NASP: variants seen among roughly 807,000 people sequenced by gnomAD.
The protein encoded by NASP is NASP histone chaperone.
In NASP, 24 loss-of-function variants were observed where a neutral mutation model predicts 89.5. The ratio of observed to expected loss-of-function variants is 0.27; its 90% confidence interval spans 0.19 to 0.38. The LOEUF (loss-of-function observed/expected upper bound fraction) is 0.38. Among genes scored for constraint, NASP ranks in the 10% least tolerant of loss-of-function variants. NASP has a pLI of 1.00. For missense variants in NASP, 848 were observed against 921.4 expected, an observed-to-expected ratio of 0.92 and a Z score of 1.03; for synonymous variants, 306 against 324.7, an observed-to-expected ratio of 0.94 and a Z score of 0.62.
chr1:45,614,050 T>C, intron 7 of NASP, 46 bp from the exon 8 acceptor site: 1 of 1,389,684 alleles, frequency 7.2e-7, no homozygotes, highest in Non-Finnish European at 1.0e-6. Context: ...TTTAGATTTG[T>C]ATTTGAAAAA....
chr1:45,602,185 A>G, intron 2 of NASP, 70 bp from the exon 3 acceptor site: 2 of 1,530,136 alleles, frequency 1.3e-6, no homozygotes, highest in Non-Finnish European at 1.8e-6. Context: ...CTATTGCTCA[A>G]ATGTAGCAGG....
At chr1:45,600,428 T>G (rs1249763238) in intron 2 of NASP, 1 of 1,287,378 alleles carries the variant, frequency 7.8e-7, no homozygotes, top group Non-Finnish European at 1.0e-6. Context: ...GGTTGCATTT[T>G]GTAGAATATT....
intron 1 of NASP, among the ~76,000 whole-genome samples, chr1:45,585,466 C>T (rs1423163337): frequency 6.6e-6 from 1 of 152,096 alleles, no homozygotes; most frequent in Admixed American, 6.5e-5. Context: ...TCTCAAGTCA[C>T]CCTGAGAATC....
At chr1:45,617,703 G>A (rs1644131424) in intron 14 of NASP, 112 bp downstream of exon 14, 21 of 1,271,524 alleles carry the variant, frequency 1.7e-5, no homozygotes, top group Non-Finnish European at 2.1e-5. Context: ...AACGATTGTT[G>A]AGTGCAGTCC....
intron 2 of NASP, among the ~76,000 whole-genome samples, chr1:45,597,083 C>T (rs1244199465): frequency 2.6e-5 from 4 of 152,194 alleles, no homozygotes; most frequent in East Asian, 3.9e-4. Context: ...GCCAAGGCAG[C>T]GGATCACTTG....
chr1:45,586,239 CGT>C (rs537983711), intron 1 of NASP, among the ~76,000 whole-genome samples: 1,242 of 110,242 alleles, frequency 0.011, 18 homozygotes, highest in Admixed American at 0.03. Flanking sequence ...CCTACCGTGC[CGT>C]GTGTGTGTGT....
At chr1:45,588,667 C>A (rs973315272) in intron 1 of NASP, 1 of 448,104 alleles carries the variant, frequency 2.2e-6, no homozygotes, top group South Asian at 1.6e-5. Context: ...CGGCCGGGCG[C>A]GGTGGCTCAC....
At chr1:45,587,192 T>G (rs184120448) in intron 1 of NASP, among the ~76,000 whole-genome samples, 219 of 152,228 alleles carry the variant, frequency 1.4e-3, no homozygotes, top group Middle Eastern at 6.8e-3. Context: ...TTGGTTTTTT[T>G]TTGTTGTTTT....
At position 45,617,608 on chromosome 1, in the gene NASP, G is replaced by A. The variant is rs1326960073; in HGVS notation, c.2286+17G>A. ...GAGGAGGAGGTGGGCAGTTAAGCAG[G>A]GCTTAGCCTCTTGCCTCATTCCTTG... On this transcript the variant is annotated intron_variant, in intron 14 of 14. Transcript: ENST00000350030. 1 of 1,560,846 alleles carries A rather than the reference G, an allele frequency of 6.4e-7. No individual in the cohort carries two copies. The highest frequency in any genetic ancestry group is 2.0e-5 in the Admixed American group (1 of 49,436).
At chr1:45,608,421 T>C (rs1402256341) in intron 6 of NASP, 84 bp downstream of exon 6, 2 of 1,409,136 alleles carry the variant, frequency 1.4e-6, no homozygotes, top group African/African-American at 2.9e-5. Context: ...CAGCCTTCCA[T>C]TCAGGATTTT....
At chr1:45,609,060 C>T (rs149422057) in intron 6 of NASP, among the ~76,000 whole-genome samples, 1 of 152,212 alleles carries the variant, frequency 6.6e-6, no homozygotes, top group African/African-American at 2.4e-5. Context: ...ATTTTTGTTA[C>T]TTAGAATATT....
chr1:45,584,077 T>G lies in NASP; in HGVS notation c.-70T>G. On this transcript the variant is annotated 5_prime_UTR_variant, in exon 1 of 15. Coordinates refer to ENST00000350030, the MANE Select transcript of NASP (RefSeq NM_002482.4). ...CATTTTCTGTCCCTGAGTGAGTCTC[T>G]GGCGTCCCAAATTGCCTGTTTTTCT... 1 of 1,435,758 alleles carries G rather than the reference T, an allele frequency of 7.0e-7. No homozygotes were observed. 88.9% of individuals were successfully genotyped at this position (1,435,758 alleles called of 1,614,324 possible).
chr1:45,591,070 T>A (rs963812533), intron 1 of NASP, among the ~76,000 whole-genome samples, 153 bp from the exon 2 acceptor site: 1 of 152,252 alleles, frequency 6.6e-6, no homozygotes, highest in Admixed American at 6.5e-5. Flanking sequence ...ATTAAATGAA[T>A]TAAATTTGAT....
intron 12 of NASP, 94 bp from the exon 13 acceptor site, chr1:45,616,532 G>A (rs1473016577): frequency 4.6e-6 from 7 of 1,505,582 alleles, no homozygotes; most frequent in Non-Finnish European, 6.4e-6. Flanking sequence ...GCAACATAGT[G>A]AGACCTTGTC....
intron 2 of NASP, among the ~76,000 whole-genome samples, chr1:45,598,254 T>G (rs1349627466): frequency 6.7e-6 from 1 of 150,196 alleles, no homozygotes; most frequent in Non-Finnish European, 1.5e-5. Context: ...CACTGCAGCC[T>G]CCTTCTCCCA....
At chr1:45,617,998 G>A in intron 14 of NASP, 63 bp from the exon 15 acceptor site, 1 of 1,457,422 alleles carries the variant, frequency 6.9e-7, no homozygotes, top group Admixed American at 2.0e-5. Context: ...TGAGGCCTCA[G>A]TTATATAAGA....
rs1293461926 is a variant in NASP, at chr1:45,617,481, A to G, written c.2176A>G (p.Ser726Gly). The change falls in exon 14 of 15, where the codon AGT (serine) becomes GGT (glycine). Residue 726 changes from serine to glycine, a missense_variant. By Grantham distance (56) the Ser-to-Gly change is moderately conservative. This residue lies in a region of NASP where 218 missense variants were observed against 219.6 expected (regional missense o/e 0.99). Coordinates refer to ENST00000350030, the MANE Select transcript of NASP (RefSeq NM_002482.4). The part of the protein sequence containing the change: ...VRKKRKPEEE[S>G]PRKDDAKKAK... The stretch of plus-strand genomic sequence containing the variant: ...TCTTTAGAGGAAACCAGAGGAAGAG[A>G]GTCCCCGGAAAGATGATGCAAAGAA... 1.2e-6 allele frequency: 2 copies of G among 1,613,566 alleles called. No homozygotes were observed. The highest frequency in any genetic ancestry group is 2.7e-5 in the African/African-American group (2 of 75,008).
At chr1:45,589,822 AC>A (rs1274844538) in intron 1 of NASP, among the ~76,000 whole-genome samples, 1 of 151,982 alleles carries the variant, frequency 6.6e-6, no homozygotes, top group Non-Finnish European at 1.5e-5. Flanking sequence ...AATGGCTTGA[AC>A]CCAGAAGGCA....
intron 1 of NASP, among the ~76,000 whole-genome samples, chr1:45,590,504 C>G (rs145883185): frequency 6.8e-6 from 1 of 146,704 alleles, no homozygotes; most frequent in East Asian, 2.0e-4. Context: ...AGCCGGAGAT[C>G]GTGCCAGGGC....
Sources: gnomAD v4.1 joint callset for allele counts (sites outside exome capture counted in the v4.1 genomes callset) on GRCh38, gnomAD v4.1.1 for gene constraint, gnomAD v4.1.1 regional missense constraint, MANE v1.5 for transcripts, NCBI Gene and HGNC (gene_info 2026-07-23, HGNC 2026-07-21) for gene names.